The following NRIP1 variants were observed in gnomAD, a reference collection of about 807,000 sequenced individuals.
NRIP1 encodes nuclear receptor-interacting protein 1.
In NRIP1, 28 loss-of-function variants were observed where a neutral mutation model predicts 75.0. The ratio of observed to expected loss-of-function variants is 0.37; its 90% CI spans 0.28 to 0.51. NRIP1 has a LOEUF of 0.51. NRIP1 is among the 20% of genes least tolerant of loss of function. NRIP1 has a pLI of 0.92. For missense variants in NRIP1, 1,435 were observed against 1,343.7 expected (o/e 1.07, Z -1.06); for synonymous variants, 526 against 487.6 (o/e 1.08, Z -1.04).
Position 14,965,707 on chromosome 21 carries a change from C to G in NRIP1, c.2486G>C (p.Ser829Thr), listed in dbSNP as rs1317386440. 1 of 1,613,816 alleles carries G rather than the reference C, an allele frequency of 6.2e-7. No individual in the cohort carries two copies. Among genetic ancestry groups the G allele is most frequent in the South Asian group, 1.1e-5 (1 of 91,076 alleles). ...LSRLLRQNQD[S>T]YLADDSDRSH... ...CCTGTCTGAATCATCTGCCAGGTAA[C>G]TATCTTGATTTTGTCTTAGCAATCG... The change falls in exon 4 of 4, where the codon AGT becomes ACT. Residue 829 changes from serine to threonine, a missense_variant. Physicochemically the swap from Ser to Thr is moderately conservative, Grantham distance 58. Transcript: ENST00000318948.
rs935965294 is a variant in NRIP1, at chr21:15,045,458, C to T, written c.-537-1884G>A. Among the ~76,000 whole-genome samples the T allele has an allele frequency of 2.0e-5, 3 of 152,290 alleles. No individual in the cohort carries two copies. The South Asian group carries it at 6.2e-4, about 32-fold the overall frequency. On this transcript the variant is annotated intron_variant, in intron 1 of 3. Coordinates refer to ENST00000318948, the MANE Select transcript of NRIP1 (RefSeq NM_003489.4). ...GCTTTATGTCGAAACAATGTACATA[C>T]CTTAGTATAAAAATACTTTATTGCT... is the stretch of plus-strand genomic sequence containing the variant.
chr21:14,998,298 C>T (rs1449734115), intron 3 of NRIP1, among the ~76,000 whole-genome samples: 4 of 152,230 alleles, frequency 2.6e-5, no homozygotes, highest in Non-Finnish European at 5.9e-5. Context: ...TGGGACCTAT[C>T]TGCAAACCAC....
chr21:14,965,600 G>A lies in NRIP1; in HGVS notation c.2593C>T (p.Pro865Ser). 3 of 1,613,834 alleles carry A rather than the reference G, an allele frequency of 1.9e-6. No homozygotes were observed. Among genetic ancestry groups the A allele is most frequent in the Non-Finnish European group, 2.5e-6 (3 of 1,179,934 alleles). ...VPKKRKLYTE[P>S]LENPFKKMKN... ...ATCTTTTTAAATGGATTTTCTAATGGCTCAGTATAAAGCTTCCTTTTCTTA... is the reference window on the plus strand; with the variant it reads ...ATCTTTTTAAATGGATTTTCTAATGACTCAGTATAAAGCTTCCTTTTCTTA... Residue 865 changes from proline to serine, a missense_variant, in exon 4 of 4, where the codon CCA becomes TCA. Physicochemically the swap from Pro to Ser is moderately conservative, Grantham distance 74 (BLOSUM62 -1). Coordinates refer to ENST00000318948, the MANE Select transcript of NRIP1 (RefSeq NM_003489.4).
At chr21:14,987,212 T>G (rs1358239429) in intron 3 of NRIP1, among the ~76,000 whole-genome samples, 1 of 152,190 alleles carries the variant, frequency 6.6e-6, no homozygotes, top group Non-Finnish European at 1.5e-5. Context: ...TTATCATTAT[T>G]AAACGTGCAA....
intron 3 of NRIP1, among the ~76,000 whole-genome samples, chr21:15,006,240 T>C (rs756584338): frequency 1.3e-4 from 20 of 152,170 alleles, no homozygotes; most frequent in Non-Finnish European, 2.6e-4. Flanking sequence ...CTCGGTCTTG[T>C]TATAAAAACA....
intron 1 of NRIP1, among the ~76,000 whole-genome samples, chr21:15,049,666 C>T (rs527378435): frequency 6.6e-6 from 1 of 152,172 alleles, no homozygotes; most frequent in African/African-American, 2.4e-5. Flanking sequence ...TAAACAGTTT[C>T]CACACATTAA....
chr21:14,965,504 G>A lies in NRIP1; in HGVS notation c.2689C>T (p.Gln897Ter), dbSNP rs1305511004. 1 of 1,613,816 alleles carries A rather than the reference G, an allele frequency of 6.2e-7. No individual in the cohort carries two copies. The highest frequency in any genetic ancestry group is 8.5e-7 in the Non-Finnish European group (1 of 1,179,954). Residue 897 changes from glutamine (Q) to a stop codon, truncating the protein, a stop_gained, in exon 4 of 4, where the codon CAG (glutamine) becomes TAG (stop). Transcript: ENST00000318948. LOFTEE classifies it high-confidence loss of function. ...TTTCTGCTAAATTTCAGCTCTTCCT[G>A]GTTAAGCAAGGACCCATACAGTACT... ...PEVLYGSLLN[Q>*]EELKFSRNDL...
rs764523558 is a variant in NRIP1 at position 14,965,747 on chromosome 21, T to A, written c.2446A>T (p.Asn816Tyr). The change falls in exon 4 of 4, where the codon AAT becomes TAT. Residue 816 changes from asparagine (N) to tyrosine (Y), a missense_variant. Asn to Tyr is a moderately radical substitution (Grantham distance 143). Coordinates refer to ENST00000318948, the MANE Select transcript of NRIP1 (RefSeq NM_003489.4). ...CTTAGCAATCGACTTAGCAGACCATTCTTGGAGAAAGAAAAATCCTGAGGT... is the reference window on the plus strand; with the variant it reads ...CTTAGCAATCGACTTAGCAGACCATACTTGGAGAAAGAAAAATCCTGAGGT... ...VSPQDFSFSK[N>Y]GLLSRLLRQN... 3.4e-5 allele frequency: 55 copies of A among 1,613,846 alleles called. No individual in the cohort carries two copies. The highest frequency in any genetic ancestry group is 4.6e-5 in the Non-Finnish European group (54 of 1,179,954).
At chr21:15,023,602 T>C (rs1397154536) in intron 2 of NRIP1, among the ~76,000 whole-genome samples, 2 of 152,228 alleles carry the variant, frequency 1.3e-5, no homozygotes, top group East Asian at 1.9e-4. Flanking sequence ...ATGTTTATTA[T>C]ATAAATACTC....
At chr21:15,015,189 T>C (rs1486887019) in intron 2 of NRIP1, among the ~76,000 whole-genome samples, 2 of 152,210 alleles carry the variant, frequency 1.3e-5, no homozygotes, top group African/African-American at 2.4e-5. Context: ...TTTTGTGTGA[T>C]TCCATTTGGA....
intron 3 of NRIP1, among the ~76,000 whole-genome samples, chr21:14,998,063 A>G (rs968228315): frequency 1.3e-5 from 2 of 152,210 alleles, no homozygotes; most frequent in African/African-American, 4.8e-5. Context: ...GCTACTGTCT[A>G]GCAGCTTCTC....
At chr21:14,990,433 C>T (rs1600840714) in intron 3 of NRIP1, among the ~76,000 whole-genome samples, 1 of 152,136 alleles carries the variant, frequency 6.6e-6, no homozygotes, top group Non-Finnish European at 1.5e-5. Flanking sequence ...CAGACTAGGG[C>T]TGTCCAAGCC....
At chr21:15,012,870 T>C (rs185658133) in intron 3 of NRIP1, among the ~76,000 whole-genome samples, 93 of 152,318 alleles carry the variant, frequency 6.1e-4, no homozygotes, top group African/African-American at 2.2e-3. Flanking sequence ...CCTAGTTGGA[T>C]CCAGTGAGCA....
At chr21:15,058,828 C>T (rs774939870) in intron 1 of NRIP1, among the ~76,000 whole-genome samples, 7 of 152,160 alleles carry the variant, frequency 4.6e-5, no homozygotes, top group Admixed American at 2.0e-4. Context: ...CCATCTTAGA[C>T]ACTATATGTG....
intron 2 of NRIP1, among the ~76,000 whole-genome samples, chr21:15,016,611 G>A (rs547958312): frequency 1.3e-4 from 20 of 152,184 alleles, no homozygotes; most frequent in Non-Finnish European, 2.8e-4. Context: ...CTGGCCGGGC[G>A]CAGTGGCTCA....
chr21:15,000,989 T>C (rs2087837082), intron 3 of NRIP1, among the ~76,000 whole-genome samples: 1 of 152,154 alleles, frequency 6.6e-6, no homozygotes, highest in East Asian at 1.9e-4. Flanking sequence ...CACTTGGTCA[T>C]TTTCTATAAA....
intron 1 of NRIP1, among the ~76,000 whole-genome samples, chr21:15,046,589 G>A (rs1281873885): frequency 6.6e-6 from 1 of 152,158 alleles, no homozygotes; most frequent in Non-Finnish European, 1.5e-5. Context: ...GTCACCAGCT[G>A]TATTATCCAC....
intron 1 of NRIP1, among the ~76,000 whole-genome samples, chr21:15,059,363 G>T (rs2089375124): frequency 6.6e-6 from 1 of 152,152 alleles, no homozygotes; most frequent in Non-Finnish European, 1.5e-5. Flanking sequence ...TGAGGTGTAA[G>T]AAATTAAAAT....
At chr21:14,976,491 T>A (rs2087072449) in intron 3 of NRIP1, among the ~76,000 whole-genome samples, 1 of 152,106 alleles carries the variant, frequency 6.6e-6, no homozygotes, top group Non-Finnish European at 1.5e-5. Context: ...TGATAGGTAA[T>A]TTTTTTAGAG....
Sources: allele counts gnomAD v4.1 joint callset (sites outside exome capture counted in the v4.1 genomes callset), GRCh38; gene constraint gnomAD v4.1.1; transcripts MANE v1.5; gene names NCBI Gene and HGNC (gene_info 2026-07-23, HGNC 2026-07-21).